The following KIAA1549L variants were observed in gnomAD, a reference collection of about 807,000 sequenced individuals.
KIAA1549L encodes the protein KIAA1549 like.
KIAA1549L carries 88 observed loss-of-function variants against 160.7 expected under a neutral mutation model. That is an observed-to-expected ratio of 0.55 (90% CI 0.46 to 0.65). KIAA1549L has a LOEUF of 0.65. KIAA1549L is among the 30% of genes least tolerant of loss of function. The pLI, the probability that KIAA1549L is intolerant of heterozygous loss-of-function variation, is 0.00. For synonymous variants in KIAA1549L, 950 were observed against 976.7 expected (o/e 0.97, Z 0.51); for missense variants, 2,258 against 2,437.5 (o/e 0.93, Z 1.55).
At chr11:33,443,367 G>A (rs554547536) in intron 1 of KIAA1549L, among the ~76,000 whole-genome samples, 1 of 151,774 alleles carries the variant, frequency 6.6e-6, no homozygotes, top group Admixed American at 6.6e-5. Flanking sequence ...CTTTATCTGT[G>A]GGGATTGTTA....
chr11:33,390,121 A>G (rs1335257447), intron 1 of KIAA1549L, among the ~76,000 whole-genome samples: 2 of 152,236 alleles, frequency 1.3e-5, no homozygotes, highest in African/African-American at 4.8e-5. Context: ...AATTATCCCC[A>G]TGTTTCAGAA....
At chr11:33,640,266 T>A (rs1488249560) in intron 16 of KIAA1549L, among the ~76,000 whole-genome samples, 1 of 152,190 alleles carries the variant, frequency 6.6e-6, no homozygotes, top group Non-Finnish European at 1.5e-5. Flanking sequence ...AAAGTAATTT[T>A]AAAATACCTC....
intron 12 of KIAA1549L, among the ~76,000 whole-genome samples, chr11:33,595,688 C>T (rs1003815265): frequency 1.3e-5 from 2 of 152,102 alleles, no homozygotes; most frequent in African/African-American, 4.8e-5. Flanking sequence ...AGAGAAAACC[C>T]GTTATGAATC....
chr11:33,632,269 G>A (rs2133378131), intron 16 of KIAA1549L, among the ~76,000 whole-genome samples: 1 of 152,272 alleles, frequency 6.6e-6, no homozygotes, highest in South Asian at 2.1e-4. Flanking sequence ...GAAATCCCAG[G>A]CCTCATATCT....
At chr11:33,464,751 G>A (rs561989785) in intron 1 of KIAA1549L, among the ~76,000 whole-genome samples, 2 of 152,116 alleles carry the variant, frequency 1.3e-5, no homozygotes, top group South Asian at 2.1e-4. Flanking sequence ...GCTCTCCATG[G>A]TTCCAGGATC....
At chr11:33,429,601 T>C (rs986447768) in intron 1 of KIAA1549L, among the ~76,000 whole-genome samples, 1 of 152,194 alleles carries the variant, frequency 6.6e-6, no homozygotes, top group Non-Finnish European at 1.5e-5. Flanking sequence ...ATTTCATGGT[T>C]CTTCTCAGTC....
chr11:33,496,937 A>G (rs1293991752), intron 1 of KIAA1549L, among the ~76,000 whole-genome samples: 1 of 152,112 alleles, frequency 6.6e-6, no homozygotes, highest in African/African-American at 2.4e-5. Context: ...TAAACACACC[A>G]GCCTCCTTTC....
intron 1 of KIAA1549L, among the ~76,000 whole-genome samples, chr11:33,406,594 C>A (rs1850658487): frequency 6.6e-6 from 1 of 152,240 alleles, no homozygotes; most frequent in African/African-American, 2.4e-5. Flanking sequence ...GAGCAAAGCT[C>A]CCCAGAGTTG....
At chr11:33,531,346 G>C (rs1165229286) in intron 1 of KIAA1549L, among the ~76,000 whole-genome samples, 1 of 152,138 alleles carries the variant, frequency 6.6e-6, no homozygotes, top group African/African-American at 2.4e-5. Context: ...ATGATGGCGG[G>C]TGCCTGTAGT....
intron 1 of KIAA1549L, among the ~76,000 whole-genome samples, chr11:33,451,446 A>G (rs943293678): frequency 1.3e-5 from 2 of 152,234 alleles, no homozygotes; most frequent in African/African-American, 2.4e-5. Flanking sequence ...CACATAAAAA[A>G]GTGTTTATTT....
rs566807541 is a variant in KIAA1549L at position 33,485,234 on chromosome 11, G to A, written c.239-56568G>A. ...AGCATCTTGTCAACTTGCCCCTTTC[G>A]AGTCCCAAAATTTTCAAGAATCTGT... On this transcript the variant is annotated intron_variant, in intron 1 of 20. Transcript: ENST00000658780. 4.6e-5 allele frequency among the ~76,000 whole-genome samples: 7 copies of A among 152,272 alleles called. No individual in the cohort carries two copies. The East Asian group carries it at 1.2e-3, about 25-fold the overall frequency.
chr11:33,505,060 C>T (rs1040344974), intron 1 of KIAA1549L, among the ~76,000 whole-genome samples: 2 of 152,256 alleles, frequency 1.3e-5, no homozygotes, highest in African/African-American at 4.8e-5. Context: ...GCCACCACAC[C>T]TGGCCGATTG....
intron 13 of KIAA1549L, among the ~76,000 whole-genome samples, chr11:33,604,811 G>T (rs992556220): frequency 6.6e-6 from 1 of 152,024 alleles, no homozygotes. Context: ...AGAGGGTGAG[G>T]GGGGAGTGAG....
chr11:33,404,492 A>G (rs1850603857), intron 1 of KIAA1549L, among the ~76,000 whole-genome samples: 1 of 152,000 alleles, frequency 6.6e-6, no homozygotes, highest in Non-Finnish European at 1.5e-5. Context: ...ACACAATTGC[A>G]CTCCAGCCTG....
chr11:33,405,341 A>T (rs1850622629), intron 1 of KIAA1549L, among the ~76,000 whole-genome samples: 1 of 152,174 alleles, frequency 6.6e-6, no homozygotes, highest in African/African-American at 2.4e-5. Flanking sequence ...GGGGTTGTGT[A>T]GCGAGATAAC....
chr11:33,451,421 A>G (rs1449610896), intron 1 of KIAA1549L, among the ~76,000 whole-genome samples: 1 of 152,244 alleles, frequency 6.6e-6, no homozygotes, highest in African/African-American at 2.4e-5. Context: ...GAAACTATTT[A>G]TAAATAACCA....
At chr11:33,393,562 CAA>C (rs1443531311) in intron 1 of KIAA1549L, among the ~76,000 whole-genome samples, 7 of 152,178 alleles carry the variant, frequency 4.6e-5, no homozygotes, top group Non-Finnish European at 8.8e-5. Flanking sequence ...CTAGAAGAAA[CAA>C]TGAGCTAAGT....
intron 1 of KIAA1549L, among the ~76,000 whole-genome samples, chr11:33,471,909 T>A (rs1239719446): frequency 1.3e-5 from 2 of 152,218 alleles, no homozygotes; most frequent in African/African-American, 4.8e-5. Flanking sequence ...CTCATGGAAG[T>A]AAGCAGACAA....
At chr11:33,412,570 A>G (rs571485586) in intron 1 of KIAA1549L, among the ~76,000 whole-genome samples, 2 of 152,302 alleles carry the variant, frequency 1.3e-5, no homozygotes, top group East Asian at 3.9e-4. Context: ...ATAGCATAGT[A>G]GAGTCTCTTA....
Sources: allele counts gnomAD v4.1 joint callset (sites outside exome capture counted in the v4.1 genomes callset), GRCh38; gene constraint gnomAD v4.1.1; transcripts MANE v1.5; gene names NCBI Gene and HGNC (gene_info 2026-07-23, HGNC 2026-07-21).